The following PCDH9 variants were observed in gnomAD, a reference collection of about 807,000 sequenced individuals.
PCDH9 encodes protocadherin 9, also known as protocadherin-9.
Under a neutral mutation model 70.6 loss-of-function variants are expected in PCDH9, and 24 were observed. That is an observed-to-expected ratio of 0.34 (90% CI 0.25 to 0.48). The LOEUF (loss-of-function observed/expected upper bound fraction) is 0.48, where lower values mean the gene tolerates loss of function less well. Among genes scored for constraint, PCDH9 ranks in the 20% least tolerant of loss-of-function variants. The pLI, the probability that PCDH9 is intolerant of heterozygous loss-of-function variation, is 0.99. For missense variants in PCDH9, 1,281 were observed against 1,503.6 expected, an observed-to-expected ratio of 0.85 and a Z score of 2.45; for synonymous variants, 562 against 558.5, an observed-to-expected ratio of 1.01 and a Z score of -0.09.
At chr13:66,490,559 G>T (rs1959018077) in intron 4 of PCDH9, among the ~76,000 whole-genome samples, 1 of 152,100 alleles carries the variant, frequency 6.6e-6, no homozygotes, top group African/African-American at 2.4e-5. Context: ...CTCGATTTCT[G>T]TGGCTTTTAT....
intron 2 of PCDH9, among the ~76,000 whole-genome samples, chr13:66,921,272 A>T (rs1167533553): frequency 6.6e-6 from 1 of 151,208 alleles, no homozygotes; most frequent in Non-Finnish European, 1.5e-5. Flanking sequence ...GCATTTTAAA[A>T]TGCAATATAT....
chr13:66,559,308 T>C (rs1961890297), intron 4 of PCDH9, among the ~76,000 whole-genome samples: 1 of 152,002 alleles, frequency 6.6e-6, no homozygotes, highest in South Asian at 2.1e-4. Flanking sequence ...CCTTCTTTCC[T>C]ATGCTTACAA....
At chr13:66,305,091 T>C (rs912893978) in intron 4 of PCDH9, 63 bp from the exon 5 acceptor site, 62 of 1,411,976 alleles carry the variant, frequency 4.4e-5, no homozygotes, top group Non-Finnish European at 5.3e-5. Context: ...ATTAGAATTA[T>C]CTTAGAGAAA....
intron 4 of PCDH9, among the ~76,000 whole-genome samples, chr13:66,597,082 TAGTC>T (rs2077113133): frequency 6.6e-6 from 1 of 151,688 alleles, no homozygotes. Flanking sequence ...TCTTTGACAT[TAGTC>T]AGCTGACCAT....
intron 3 of PCDH9, among the ~76,000 whole-genome samples, chr13:66,653,876 G>C (rs2077887727): frequency 6.6e-6 from 1 of 151,772 alleles, no homozygotes; most frequent in African/African-American, 2.4e-5. Flanking sequence ...GCTGAGGCAG[G>C]AGAATGGCTT....
chr13:67,126,089 C>T (rs1434969170), intron 2 of PCDH9, among the ~76,000 whole-genome samples: 1 of 152,128 alleles, frequency 6.6e-6, no homozygotes, highest in African/African-American at 2.4e-5. Context: ...AAACAAGTAA[C>T]ATCATATATT....
At chr13:67,071,185 A>T (rs143281232) in intron 2 of PCDH9, among the ~76,000 whole-genome samples, 1,986 of 152,300 alleles carry the variant, frequency 0.013, 34 homozygotes, top group African/African-American at 0.044. Flanking sequence ...TAGAATAATC[A>T]AATGTAATAG....
intron 2 of PCDH9, among the ~76,000 whole-genome samples, chr13:67,187,242 C>CT (rs1256675876): frequency 1.3e-5 from 2 of 152,158 alleles, no homozygotes; most frequent in African/African-American, 4.8e-5. Context: ...GGATGCCTCT[C>CT]TGATCCTCCT....
intron 4 of PCDH9, among the ~76,000 whole-genome samples, chr13:66,361,334 A>G (rs1202041394): frequency 1.3e-5 from 2 of 152,184 alleles, no homozygotes; most frequent in Non-Finnish European, 2.9e-5. Context: ...TTATTTGTAT[A>G]TGTATGTGAT....
chr13:67,170,359 A>G (rs1439297401), intron 2 of PCDH9, among the ~76,000 whole-genome samples: 2 of 152,200 alleles, frequency 1.3e-5, no homozygotes, highest in Admixed American at 6.5e-5. Flanking sequence ...TGAGAAATAC[A>G]TTTCGCATAA....
At chr13:66,719,373 G>T (rs1358453061) in intron 3 of PCDH9, among the ~76,000 whole-genome samples, 1 of 152,182 alleles carries the variant, frequency 6.6e-6, no homozygotes, top group East Asian at 1.9e-4. Context: ...TATGGGGGAA[G>T]TAATTTAGTC....
At chr13:66,674,649 C>T (rs2078219343) in intron 3 of PCDH9, among the ~76,000 whole-genome samples, 1 of 152,008 alleles carries the variant, frequency 6.6e-6, no homozygotes, top group Admixed American at 6.6e-5. Flanking sequence ...ATAAAAATTA[C>T]AACAAAGATA....
intron 4 of PCDH9, among the ~76,000 whole-genome samples, chr13:66,614,582 C>T (rs993559039): frequency 2.0e-5 from 3 of 152,104 alleles, no homozygotes; most frequent in African/African-American, 7.2e-5. Flanking sequence ...AAAAATCAAA[C>T]TTCAGTTTTA....
intron 3 of PCDH9, among the ~76,000 whole-genome samples, chr13:66,772,164 G>A (rs543209596): frequency 6.6e-6 from 1 of 152,138 alleles, no homozygotes; most frequent in East Asian, 1.9e-4. Context: ...CCTGGCACAT[G>A]CAATAAAACA....
intron 2 of PCDH9, among the ~76,000 whole-genome samples, chr13:67,031,406 T>C (rs1309303642): frequency 1.3e-5 from 2 of 152,208 alleles, no homozygotes; most frequent in Non-Finnish European, 2.9e-5. Flanking sequence ...AGTCAATGTT[T>C]ATAATATAAT....
chr13:66,912,792 C>T (rs73208976), intron 2 of PCDH9, among the ~76,000 whole-genome samples: 20,480 of 151,854 alleles, frequency 0.13, 1,539 homozygotes, highest in African/African-American at 0.18. Context: ...ATAAATGCAT[C>T]CTGGATTTTA....
At chr13:66,730,523 C>T (rs1166692398) in intron 3 of PCDH9, among the ~76,000 whole-genome samples, 1 of 152,030 alleles carries the variant, frequency 6.6e-6, no homozygotes, top group African/African-American at 2.4e-5. Flanking sequence ...ACTCCCAGGG[C>T]ACCATGTACC....
intron 4 of PCDH9, among the ~76,000 whole-genome samples, chr13:66,431,710 A>G (rs114647610): frequency 0.014 from 2,130 of 152,114 alleles, 41 homozygotes; most frequent in African/African-American, 0.048. Flanking sequence ...GTATTTCAAA[A>G]CCAAGACACC....
intron 3 of PCDH9, among the ~76,000 whole-genome samples, chr13:66,812,952 T>C (rs140025448): frequency 7.3e-4 from 111 of 152,308 alleles, no homozygotes; most frequent in Non-Finnish European, 1.4e-3. Flanking sequence ...AGGCTCGTCA[T>C]TCTGTAGTAT....
Sources: gnomAD v4.1 joint callset for allele counts (sites outside exome capture counted in the v4.1 genomes callset) on GRCh38, gnomAD v4.1.1 for gene constraint, MANE v1.5 for transcripts, NCBI Gene and HGNC (gene_info 2026-07-23, HGNC 2026-07-21) for gene names.